Variants in GPC5 observed in about 807,000 individuals in gnomAD.
GPC5 encodes glypican-5.
GPC5 carries 47 observed loss-of-function variants against 53.9 expected under a neutral mutation model. That is an observed-to-expected ratio of 0.87 (90% CI 0.69 to 1.11). GPC5 has a LOEUF of 1.11. Ranked by LOEUF, GPC5 falls within the 50% of genes most tolerant of loss-of-function variation. GPC5 has a pLI of 0.00. For synonymous variants in GPC5, 286 were observed against 263.3 expected, an observed-to-expected ratio of 1.09 and a Z score of -0.84; for missense variants, 748 against 713.1, an observed-to-expected ratio of 1.05 and a Z score of -0.56.
At chr13:91,949,422 A>C (rs1180234183) in intron 6 of GPC5, among the ~76,000 whole-genome samples, 1 of 152,194 alleles carries the variant, frequency 6.6e-6, no homozygotes, top group East Asian at 1.9e-4. Flanking sequence ...AAGGAAAGCA[A>C]CAATTCTAAA....
intron 6 of GPC5, among the ~76,000 whole-genome samples, chr13:92,062,584 A>G (rs1242280371): frequency 6.6e-6 from 1 of 152,036 alleles, no homozygotes; most frequent in Non-Finnish European, 1.5e-5. Flanking sequence ...CTTGAATTTG[A>G]CATGTGTATC....
chr13:91,455,747 C>T (rs926940106), intron 2 of GPC5, among the ~76,000 whole-genome samples: 12 of 152,076 alleles, frequency 7.9e-5, no homozygotes, highest in African/African-American at 2.9e-4. Flanking sequence ...CCTCTGCTCC[C>T]TTGCTTTTAA....
In GPC5 at chr13:91,524,434, A is replaced by AT. The variant is rs200241790; in HGVS notation, c.325+75519dup. On this transcript the variant is annotated intron_variant, in intron 2 of 7. Transcript: ENST00000377067. ...AACTAATGAAGATATTTACCTATATATTTTTTTAAATTTAGATAATTAATG... is the reference window on the plus strand; with the variant it reads ...AACTAATGAAGATATTTACCTATATATTTTTTTTAAATTTAGATAATTAATG... 2.1e-3 allele frequency among the ~76,000 whole-genome samples: 316 copies of AT among 152,240 alleles called. 3 individuals carry two copies. The highest frequency in any genetic ancestry group is 7.1e-3 in the African/African-American group (296 of 41,556).
intron 7 of GPC5, among the ~76,000 whole-genome samples, chr13:92,226,064 A>C (rs1053807337): frequency 2.0e-5 from 3 of 152,162 alleles, no homozygotes; most frequent in African/African-American, 7.2e-5. Flanking sequence ...GAGTTCTCAC[A>C]AGATCTGATG....
intron 6 of GPC5, among the ~76,000 whole-genome samples, chr13:91,932,118 C>G (rs1443789149): frequency 1.3e-5 from 2 of 151,958 alleles, no homozygotes; most frequent in Non-Finnish European, 2.9e-5. Flanking sequence ...TATTAGTCTC[C>G]AATACCAAAC....
intron 7 of GPC5, among the ~76,000 whole-genome samples, chr13:92,158,382 A>T (rs2041960729): frequency 6.6e-6 from 1 of 152,216 alleles, no homozygotes; most frequent in Admixed American, 6.5e-5. Context: ...ATACATTCAA[A>T]ACACAATGCC....
chr13:92,834,323 T>C (rs1485182264), intron 7 of GPC5, among the ~76,000 whole-genome samples: 1 of 152,196 alleles, frequency 6.6e-6, no homozygotes. Context: ...TAAAAAATGG[T>C]AATTTATAAG....
intron 7 of GPC5, among the ~76,000 whole-genome samples, chr13:92,642,065 A>T (rs1885612214): frequency 6.6e-6 from 1 of 152,182 alleles, no homozygotes; most frequent in Non-Finnish European, 1.5e-5. Flanking sequence ...AGAAAAAAAA[A>T]TATTTCAAAA....
Position 91,701,374 on chromosome 13 carries a change from C to A in GPC5, c.1020+7493C>A, listed in dbSNP as rs565353980. ...TCCTCAGCCTCAGCCCTGGCAAACA[C>A]CATTGTCTTTGCTCCTTTGAGTTTG... On this transcript the variant is annotated intron_variant, in intron 3 of 7. Transcript: ENST00000377067. Among the ~76,000 whole-genome samples the A allele has an allele frequency of 9.0e-4, 137 of 152,196 alleles. 1 individual carries two copies. Among genetic ancestry groups the A allele is most frequent in the South Asian group, 2.5e-3 (12 of 4,828 alleles).
At chr13:92,696,628 T>C (rs1594427569) in intron 7 of GPC5, among the ~76,000 whole-genome samples, 1 of 152,192 alleles carries the variant, frequency 6.6e-6, no homozygotes, top group African/African-American at 2.4e-5. Flanking sequence ...TTGCAAAAAT[T>C]TTCTCCCATT....
chr13:92,832,210 G>A (rs570871983), intron 7 of GPC5, among the ~76,000 whole-genome samples: 6 of 152,104 alleles, frequency 3.9e-5, no homozygotes, highest in Non-Finnish European at 7.4e-5. Context: ...TGACATACAC[G>A]TTTAAAACGT....
intron 6 of GPC5, among the ~76,000 whole-genome samples, chr13:92,106,559 TTAAAG>T (rs1449686943): frequency 2.0e-5 from 3 of 151,996 alleles, no homozygotes; most frequent in Non-Finnish European, 4.4e-5. Context: ...AATAAAATGT[TTAAAG>T]TACCTTATAG....
chr13:91,968,199 C>T (rs1240664963), intron 6 of GPC5, among the ~76,000 whole-genome samples: 1 of 151,966 alleles, frequency 6.6e-6, no homozygotes, highest in African/African-American at 2.4e-5. Context: ...AATCTTTTCT[C>T]ATTCCAAAAG....
chr13:91,945,712 T>G (rs1351161016), intron 6 of GPC5, among the ~76,000 whole-genome samples: 1 of 152,118 alleles, frequency 6.6e-6, no homozygotes, highest in Non-Finnish European at 1.5e-5. Context: ...GACTGTTGCC[T>G]CATTTGGGGG....
chr13:92,643,069 T>G (rs1190902274), intron 7 of GPC5, among the ~76,000 whole-genome samples: 1 of 152,044 alleles, frequency 6.6e-6, no homozygotes, highest in African/African-American at 2.4e-5. Flanking sequence ...TTTGATGGGG[T>G]TGTTCGTTTT....
intron 7 of GPC5, among the ~76,000 whole-genome samples, chr13:92,315,295 G>A (rs2043171571): frequency 6.6e-6 from 1 of 152,078 alleles, no homozygotes; most frequent in Non-Finnish European, 1.5e-5. Flanking sequence ...AGGTTTTCTG[G>A]GAGATTCGGG....
At chr13:91,558,863 T>C (rs1178047032) in intron 2 of GPC5, among the ~76,000 whole-genome samples, 1 of 152,140 alleles carries the variant, frequency 6.6e-6, no homozygotes, top group East Asian at 1.9e-4. Context: ...TCCACGTTTG[T>C]TCCTTTATTG....
chr13:92,438,538 G>T (rs1468637974), intron 7 of GPC5, among the ~76,000 whole-genome samples: 1 of 151,824 alleles, frequency 6.6e-6, no homozygotes, highest in Non-Finnish European at 1.5e-5. Flanking sequence ...AACCTTTAAA[G>T]CTTTTAATCA....
At chr13:92,661,149 G>A (rs1886326393) in intron 7 of GPC5, among the ~76,000 whole-genome samples, 1 of 151,880 alleles carries the variant, frequency 6.6e-6, no homozygotes, top group South Asian at 2.1e-4. Context: ...ATAATAATTA[G>A]CTGGGTGTGG....
Sources: gnomAD v4.1 joint callset for allele counts (sites outside exome capture counted in the v4.1 genomes callset) on GRCh38, gnomAD v4.1.1 for gene constraint, MANE v1.5 for transcripts, NCBI Gene and HGNC (gene_info 2026-07-23, HGNC 2026-07-21) for gene names.